PDE4B: variants seen among roughly 807,000 people sequenced by gnomAD.
PDE4B encodes phosphodiesterase 4B, also known as 3',5'-cyclic-AMP phosphodiesterase 4B.
A neutral mutation model predicts 82.2 loss-of-function variants in PDE4B; 20 were observed. The observed-to-expected ratio is 0.24, with a 90% CI of 0.17 to 0.35. PDE4B has a LOEUF of 0.35. PDE4B is among the 10% of genes least tolerant of loss of function. The probability of loss-of-function intolerance (pLI) is 1.00; values close to 1 mark genes in which losing one functional copy is unlikely to be tolerated. For missense variants in PDE4B, 655 were observed against 907.2 expected (o/e 0.72, Z 3.57); for synonymous variants, 320 against 318.9 (o/e 1.00, Z -0.04).
chr1:65,933,666 G>A (rs1448967884), intron 3 of PDE4B, among the ~76,000 whole-genome samples: 3 of 150,626 alleles, frequency 2.0e-5, no homozygotes, highest in Admixed American at 6.6e-5. Flanking sequence ...GCGAGAATCC[G>A]TCTAAAAAAA....
intron 7 of PDE4B, among the ~76,000 whole-genome samples, chr1:66,300,434 T>A (rs1657804226): frequency 6.6e-6 from 1 of 152,094 alleles, no homozygotes; most frequent in South Asian, 2.1e-4. Flanking sequence ...GATCGGCCAG[T>A]TCACTGTACT....
chr1:65,899,193 T>C (rs956470485), intron 1 of PDE4B, among the ~76,000 whole-genome samples: 1 of 151,930 alleles, frequency 6.6e-6, no homozygotes, highest in African/African-American at 2.4e-5. Context: ...ATATGTACAA[T>C]TGGCCAACAA....
At chr1:65,974,824 A>T (rs1417924185) in intron 3 of PDE4B, among the ~76,000 whole-genome samples, 3 of 152,194 alleles carry the variant, frequency 2.0e-5, no homozygotes, top group Middle Eastern at 3.2e-3. Context: ...GAGGCCTCCT[A>T]GCCATGCTTC....
At chr1:66,099,321 G>A (rs1645176429) in intron 3 of PDE4B, among the ~76,000 whole-genome samples, 1 of 152,050 alleles carries the variant, frequency 6.6e-6, no homozygotes, top group African/African-American at 2.4e-5. Flanking sequence ...TGGCTGCATA[G>A]TACTCCATGG....
chr1:65,928,901 G>A (rs778460441), intron 3 of PDE4B, among the ~76,000 whole-genome samples: 1 of 152,300 alleles, frequency 6.6e-6, no homozygotes, highest in East Asian at 1.9e-4. Flanking sequence ...AACATTAGAA[G>A]CAGAGTTCCT....
At chr1:66,008,201 A>G (rs1327287841) in intron 3 of PDE4B, among the ~76,000 whole-genome samples, 2 of 152,296 alleles carry the variant, frequency 1.3e-5, no homozygotes, top group East Asian at 3.9e-4. Context: ...AATTTGGCAC[A>G]TTAGAGAGAA....
intron 3 of PDE4B, among the ~76,000 whole-genome samples, chr1:66,061,731 G>A (rs116759035): frequency 0.017 from 2,553 of 152,188 alleles, 24 homozygotes; most frequent in Middle Eastern, 0.031. Context: ...ACAAATAACT[G>A]TTTTATCACA....
At chr1:66,122,703 CTTT>C (rs3036785) in intron 3 of PDE4B, among the ~76,000 whole-genome samples, 4 of 111,948 alleles carry the variant, frequency 3.6e-5, no homozygotes, top group Admixed American at 1.0e-4. Context: ...CTCTTCTTTT[CTTT>C]TTTTTTTTTT....
At chr1:66,009,580 C>G (rs1168232514) in intron 3 of PDE4B, among the ~76,000 whole-genome samples, 1 of 152,150 alleles carries the variant, frequency 6.6e-6, no homozygotes, top group East Asian at 1.9e-4. Flanking sequence ...TTTCCTTCCC[C>G]TCACACCATC....
In PDE4B at chr1:66,010,876, T is replaced by C. The variant is rs184708590; in HGVS notation, c.281+92041T>C. Among the ~76,000 whole-genome samples the C allele has an allele frequency of 1.8e-4, 27 of 147,522 alleles. 2 individuals are homozygous for C. In the East Asian group the frequency reaches 5.7e-3, roughly 31 times the overall value. The stretch of plus-strand genomic sequence containing the variant: ...TCTTCGTGGGGATGATGAGGCTGAG[T>C]ATGGCATCACATGATGTCAAAAAGT... On this transcript the variant is annotated intron_variant, in intron 3 of 16. Transcript: ENST00000341517.
chr1:66,153,598 C>T (rs1426062638), intron 3 of PDE4B, among the ~76,000 whole-genome samples: 1 of 152,164 alleles, frequency 6.6e-6, no homozygotes, highest in Non-Finnish European at 1.5e-5. Context: ...GCTGTGCTAG[C>T]TTCTCAGGAA....
At chr1:65,870,624 T>C (rs1646561797) in intron 1 of PDE4B, among the ~76,000 whole-genome samples, 1 of 152,228 alleles carries the variant, frequency 6.6e-6, no homozygotes, top group Non-Finnish European at 1.5e-5. Flanking sequence ...AAAAGAGTTA[T>C]AATACAGTAT....
At chr1:66,228,932 T>C (rs1651696583) in intron 3 of PDE4B, among the ~76,000 whole-genome samples, 1 of 129,600 alleles carries the variant, frequency 7.7e-6, no homozygotes, top group African/African-American at 2.5e-5. Context: ...CTGAAATTGC[T>C]TATTTTTCAG....
intron 1 of PDE4B, among the ~76,000 whole-genome samples, chr1:65,843,438 C>T (rs1646231969): frequency 6.6e-6 from 1 of 152,116 alleles, no homozygotes; most frequent in African/African-American, 2.4e-5. Flanking sequence ...GAAAATTTCC[C>T]ACTACCAAAT....
chr1:66,171,464 G>A (rs1052191449), intron 3 of PDE4B, among the ~76,000 whole-genome samples: 2 of 152,034 alleles, frequency 1.3e-5, no homozygotes, highest in African/African-American at 4.8e-5. Context: ...TATAACTAAT[G>A]TCATTGTAAT....
At chr1:66,123,787 T>C (rs1416072224) in intron 3 of PDE4B, among the ~76,000 whole-genome samples, 2 of 152,200 alleles carry the variant, frequency 1.3e-5, no homozygotes, top group Non-Finnish European at 1.5e-5. Flanking sequence ...GAAGAATGAA[T>C]TTACTCACAG....
chr1:65,822,941 T>G (rs75825822), intron 1 of PDE4B, among the ~76,000 whole-genome samples: 1 of 152,204 alleles, frequency 6.6e-6, no homozygotes, highest in African/African-American at 2.4e-5. Context: ...TTTTTTCCAA[T>G]TTTATACTAG....
At chr1:65,928,978 C>T (rs1647673573) in intron 3 of PDE4B, among the ~76,000 whole-genome samples, 1 of 152,214 alleles carries the variant, frequency 6.6e-6, no homozygotes, top group Non-Finnish European at 1.5e-5. Flanking sequence ...CATTATCCCA[C>T]ACCCTTAATA....
chr1:66,286,624 C>A (rs1174270829), intron 7 of PDE4B, among the ~76,000 whole-genome samples: 1 of 152,150 alleles, frequency 6.6e-6, no homozygotes, highest in Non-Finnish European at 1.5e-5. Flanking sequence ...TGCTTCCCAT[C>A]ACATTGGTGA....
Sources: gnomAD v4.1 joint callset for allele counts (sites outside exome capture counted in the v4.1 genomes callset) on GRCh38, gnomAD v4.1.1 for gene constraint, MANE v1.5 for transcripts, NCBI Gene and HGNC (gene_info 2026-07-23, HGNC 2026-07-21) for gene names.